PLCB1: variants seen among roughly 807,000 people sequenced by gnomAD.
PLCB1 encodes phospholipase C beta 1.
A neutral mutation model predicts 161.8 loss-of-function variants in PLCB1; 46 were observed. That is an observed-to-expected ratio of 0.28 (90% CI 0.22 to 0.36). The LOEUF (loss-of-function observed/expected upper bound fraction) is 0.36, where lower values mean the gene tolerates loss of function less well. Ranked by LOEUF, PLCB1 falls within the 10% of genes least tolerant of loss-of-function variation. The pLI, the probability that PLCB1 is intolerant of heterozygous loss-of-function variation, is 1.00. For synonymous variants in PLCB1, 517 were observed against 503.7 expected (o/e 1.03, Z -0.35); for missense variants, 1,016 against 1,472.5 (o/e 0.69, Z 5.07).
chr20:8,716,381 TG>T, intron 13 of PLCB1, 33 bp downstream of exon 13: 1 of 1,451,502 alleles, frequency 6.9e-7, no homozygotes, highest in Non-Finnish European at 9.7e-7. Flanking sequence ...CTTGAAGGAA[TG>T]TATGCATTAT....
chr20:8,841,548 A>G (rs1251619618), intron 31 of PLCB1, among the ~76,000 whole-genome samples: 1 of 152,206 alleles, frequency 6.6e-6, no homozygotes, highest in African/African-American at 2.4e-5. Context: ...TGTTCTGTTG[A>G]ATATCAAGTT....
At chr20:8,318,803 T>C (rs1984775513) in intron 2 of PLCB1, among the ~76,000 whole-genome samples, 1 of 152,162 alleles carries the variant, frequency 6.6e-6, no homozygotes, top group Admixed American at 6.5e-5. Context: ...CATATTTTTG[T>C]GGTCTGATGT....
chr20:8,727,213 T>A, intron 16 of PLCB1, 96 bp from the exon 17 acceptor site: 1 of 600,838 alleles, frequency 1.7e-6, no homozygotes. Context: ...TCAACTTCAC[T>A]GAATATTTAC....
chr20:8,819,209 C>T (rs6056157), intron 31 of PLCB1, among the ~76,000 whole-genome samples: 4,056 of 152,150 alleles, frequency 0.027, 169 homozygotes, highest in African/African-American at 0.093. Flanking sequence ...TATGAATAAG[C>T]GCACACTGAT....
In PLCB1 at chr20:8,717,841, A is replaced by C; in HGVS notation, c.1506A>C (p.Pro502=). The C allele has an allele frequency of 6.2e-7, 1 of 1,605,694 alleles. No individual in the cohort carries two copies. The highest frequency in any genetic ancestry group is 8.5e-7 in the Non-Finnish European group (1 of 1,177,744). The change falls in exon 14 of 32, where the codon CCA becomes CCC. Residue 502 remains proline, a synonymous_variant. Coordinates refer to ENST00000338037, the MANE Select transcript of PLCB1 (RefSeq NM_015192.4). ...DSSSMFEPSS[P]GAGEADTESD... ...CCAGCATGTTCGAGCCCTCATCCCC[A>C]GGAGCCGGTGAGGGGCTGGTGGGCT...
intron 10 of PLCB1, among the ~76,000 whole-genome samples, chr20:8,692,178 T>C (rs1298152441): frequency 6.6e-6 from 1 of 152,164 alleles, no homozygotes; most frequent in African/African-American, 2.4e-5. Context: ...GACTGAATGT[T>C]TCTGATAATT....
intron 1 of PLCB1, among the ~76,000 whole-genome samples, chr20:8,139,081 GTTT>G (rs71329695): frequency 4.4e-5 from 4 of 91,646 alleles, no homozygotes; most frequent in Admixed American, 3.4e-4. Context: ...TATTTCAAGG[GTTT>G]TTTTTTTTTT....
chr20:8,505,311 G>A (rs572846803), intron 3 of PLCB1, among the ~76,000 whole-genome samples: 12 of 152,180 alleles, frequency 7.9e-5, no homozygotes, highest in South Asian at 2.1e-4. Flanking sequence ...ATTGAGTGGC[G>A]AGCACTCTTG....
chr20:8,336,480 A>G (rs1436537091), intron 2 of PLCB1, among the ~76,000 whole-genome samples: 1 of 152,170 alleles, frequency 6.6e-6, no homozygotes, highest in Non-Finnish European at 1.5e-5. Context: ...CAGGCTTGCC[A>G]TGAGTACAAT....
rs992446183 is a variant in PLCB1, at chr20:8,434,625, C to T, written c.246+63175C>T. ...AAACATTCTACTGGTATTTCAACAC[C>T]GTGAACTAGAAACAATTACTAAGGT... On this transcript the variant is annotated intron_variant, in intron 3 of 31. Transcript: ENST00000338037. Among the ~76,000 whole-genome samples the T allele has an allele frequency of 5.9e-5, 9 of 152,246 alleles. No individual in the cohort carries two copies. The East Asian group carries it at 7.7e-4, about 13-fold the overall frequency.
At chr20:8,135,658 A>G (rs914470240) in intron 1 of PLCB1, among the ~76,000 whole-genome samples, 2 of 152,060 alleles carry the variant, frequency 1.3e-5, no homozygotes, top group African/African-American at 2.4e-5. Context: ...TTTTTTGACT[A>G]TTTCAGTATT....
chr20:8,358,509 C>T (rs1330471317), intron 2 of PLCB1, among the ~76,000 whole-genome samples: 1 of 152,094 alleles, frequency 6.6e-6, no homozygotes, highest in Non-Finnish European at 1.5e-5. Context: ...CCTTGGCCTC[C>T]CCAAGTGCTG....
At chr20:8,227,629 T>C (rs1979766776) in intron 2 of PLCB1, among the ~76,000 whole-genome samples, 1 of 152,220 alleles carries the variant, frequency 6.6e-6, no homozygotes, top group South Asian at 2.1e-4. Context: ...CTTTTACAAA[T>C]TGCTTTTTAG....
Position 8,177,004 on chromosome 20 carries a change from A to G in PLCB1, c.177+26633A>G, listed in dbSNP as rs561949198. The stretch of plus-strand genomic sequence containing the variant: ...TAATCAGTAGTATAATATTATGTTT[A>G]TAGAAAAATATCTCATGGTATGTCA... On this transcript the variant is annotated intron_variant, in intron 2 of 31. Coordinates refer to ENST00000338037, the MANE Select transcript of PLCB1 (RefSeq NM_015192.4). 2.0e-4 allele frequency among the ~76,000 whole-genome samples: 30 copies of G among 152,260 alleles called. 1 individual carries two copies. Among genetic ancestry groups the G allele is most frequent in the Admixed American group, 7.2e-4 (11 of 15,290 alleles).
intron 2 of PLCB1, among the ~76,000 whole-genome samples, chr20:8,301,662 C>A (rs1326577306): frequency 6.6e-6 from 1 of 152,138 alleles, no homozygotes; most frequent in Non-Finnish European, 1.5e-5. Context: ...GTCTGGAATA[C>A]CCTCCCCCAC....
chr20:8,419,515 A>G (rs953633277), intron 3 of PLCB1, among the ~76,000 whole-genome samples: 8 of 152,302 alleles, frequency 5.3e-5, no homozygotes, highest in Non-Finnish European at 1.0e-4. Flanking sequence ...TTTCACTTTC[A>G]GCACAGTATT....
chr20:8,750,865 C>A (rs771331014), intron 23 of PLCB1: 1 of 1,365,316 alleles, frequency 7.3e-7, no homozygotes, highest in Non-Finnish European at 9.8e-7. Context: ...AAACTGATGG[C>A]CTTACCTCTT....
intron 3 of PLCB1, among the ~76,000 whole-genome samples, chr20:8,602,436 T>C (rs1987618136): frequency 6.6e-6 from 1 of 152,190 alleles, no homozygotes; most frequent in Admixed American, 6.5e-5. Flanking sequence ...TGAATTAACA[T>C]GAATAGACTT....
chr20:8,489,751 TCTTA>T (rs907612636), intron 3 of PLCB1, among the ~76,000 whole-genome samples: 8 of 152,342 alleles, frequency 5.3e-5, no homozygotes, highest in African/African-American at 1.9e-4. Context: ...TCTAGAAAGT[TCTTA>T]CTTCTTGGAA....
Sources: gnomAD v4.1 joint callset for allele counts (sites outside exome capture counted in the v4.1 genomes callset) on GRCh38, gnomAD v4.1.1 for gene constraint, MANE v1.5 for transcripts, NCBI Gene and HGNC (gene_info 2026-07-23, HGNC 2026-07-21) for gene names.